Variants in TLK1 observed in about 807,000 individuals in gnomAD.
TLK1 encodes tousled like kinase 1.
In TLK1, 24 loss-of-function variants were observed where a neutral mutation model predicts 105.3. The ratio of observed to expected loss-of-function variants is 0.23; its 90% confidence interval spans 0.17 to 0.32. TLK1 has a LOEUF of 0.32. TLK1 is among the 10% of genes least tolerant of loss of function. TLK1 has a pLI of 1.00. For synonymous variants in TLK1, 321 were observed against 310.4 expected (o/e 1.03, Z -0.36); for missense variants, 558 against 910.5 (o/e 0.61, Z 4.98).
intron 3 of TLK1, among the ~76,000 whole-genome samples, chr2:171,082,364 T>C (rs1688794089): frequency 6.6e-6 from 1 of 151,518 alleles, no homozygotes; most frequent in Non-Finnish European, 1.5e-5. Context: ...CCATAAGAAA[T>C]TCTAAAAAGA....
At chr2:171,083,054 A>T (rs1467944998) in intron 2 of TLK1, among the ~76,000 whole-genome samples, 1 of 152,196 alleles carries the variant, frequency 6.6e-6, no homozygotes, top group East Asian at 1.9e-4. Context: ...AGTTTTATCA[A>T]GTCAATAAAG....
chr2:171,182,770 A>G (rs1034938207), intron 1 of TLK1, among the ~76,000 whole-genome samples: 2 of 151,900 alleles, frequency 1.3e-5, no homozygotes, highest in Admixed American at 6.6e-5. Context: ...AAATTAAAAA[A>G]TTAGCCAGGT....
intron 1 of TLK1, among the ~76,000 whole-genome samples, chr2:171,130,791 T>C (rs904461856): frequency 6.6e-6 from 1 of 152,120 alleles, no homozygotes; most frequent in African/African-American, 2.4e-5. Context: ...CGTAGACATG[T>C]TGAGTTATCC....
intron 18 of TLK1, among the ~76,000 whole-genome samples, chr2:171,000,657 C>T (rs373584358): frequency 9.9e-5 from 15 of 151,796 alleles, no homozygotes; most frequent in South Asian, 2.1e-4. Flanking sequence ...TCAGGGGTGA[C>T]GGGGGAAGAG....
intron 1 of TLK1, among the ~76,000 whole-genome samples, chr2:171,126,678 T>C (rs965586759): frequency 2.6e-5 from 4 of 152,122 alleles, no homozygotes; most frequent in Non-Finnish European, 5.9e-5. Context: ...GTAGATTCAA[T>C]TGCTGCTGAG....
At chr2:171,104,506 A>C (rs576986475) in intron 2 of TLK1, among the ~76,000 whole-genome samples, 2 of 152,304 alleles carry the variant, frequency 1.3e-5, no homozygotes, top group South Asian at 4.1e-4. Context: ...ATTCAATGCA[A>C]TTCCTATCAA....
chr2:171,023,487 A>G (rs901103247), intron 12 of TLK1, among the ~76,000 whole-genome samples: 1 of 152,108 alleles, frequency 6.6e-6, no homozygotes. Context: ...TTAATACTCC[A>G]TACTGAGATG....
chr2:171,048,496 A>G (rs1399978984), intron 10 of TLK1, among the ~76,000 whole-genome samples: 1 of 152,166 alleles, frequency 6.6e-6, no homozygotes, highest in Non-Finnish European at 1.5e-5. Context: ...CTTAACTACC[A>G]ATAACATTCA....
chr2:171,133,116 G>A (rs536019086), intron 1 of TLK1, among the ~76,000 whole-genome samples: 7 of 152,270 alleles, frequency 4.6e-5, no homozygotes, highest in African/African-American at 1.4e-4. Flanking sequence ...AGCTACTTTA[G>A]TCAAGTTGAA....
chr2:171,123,222 A>T (rs923304048), intron 1 of TLK1, among the ~76,000 whole-genome samples: 1 of 152,074 alleles, frequency 6.6e-6, no homozygotes, highest in Non-Finnish European at 1.5e-5. Flanking sequence ...TTTGAGACGG[A>T]GTCTTGCTCT....
intron 4 of TLK1, chr2:171,059,983 A>G: frequency 6.2e-7 from 1 of 1,612,424 alleles, no homozygotes; most frequent in Non-Finnish European, 8.5e-7. Flanking sequence ...GAGGTTGGGG[A>G]ACCCTGCAGA....
intron 14 of TLK1, among the ~76,000 whole-genome samples, chr2:171,009,074 C>G (rs554690727): frequency 1.1e-4 from 16 of 152,202 alleles, no homozygotes; most frequent in African/African-American, 3.6e-4. Context: ...ATCAGAGAAA[C>G]AGGAATTGGA....
intron 11 of TLK1, among the ~76,000 whole-genome samples, chr2:171,033,456 G>A (rs1686149466): frequency 1.3e-5 from 2 of 151,534 alleles, no homozygotes; most frequent in African/African-American, 4.8e-5. Flanking sequence ...AGGTGGGGTT[G>A]GTTAATGGGT....
chr2:171,039,838 A>C (rs1686569408), intron 11 of TLK1, among the ~76,000 whole-genome samples: 1 of 152,194 alleles, frequency 6.6e-6, no homozygotes. Context: ...ATTTTCAGAC[A>C]AACAAAAACT....
At chr2:171,164,861 C>T (rs866079548), upstream of TLK1, among the ~76,000 whole-genome samples, 4 of 151,824 alleles carry the variant, frequency 2.6e-5, no homozygotes, top group African/African-American at 9.7e-5. Flanking sequence ...TGCCTCACGC[C>T]TGTAATCCCA....
chr2:171,012,175 C>A (rs1684950201), intron 13 of TLK1, among the ~76,000 whole-genome samples: 1 of 151,994 alleles, frequency 6.6e-6, no homozygotes, highest in Non-Finnish European at 1.5e-5. Context: ...CTTTGAATGT[C>A]ATGTCAGTGC....
intron 12 of TLK1, among the ~76,000 whole-genome samples, chr2:171,020,140 C>CT (rs1320853168): frequency 1.3e-5 from 2 of 151,660 alleles, no homozygotes; most frequent in African/African-American, 4.8e-5. Flanking sequence ...GTTAACATCT[C>CT]TAAGTCCTAA....
intron 1 of TLK1, among the ~76,000 whole-genome samples, chr2:171,205,561 C>T (rs1334370994): frequency 2.0e-5 from 3 of 152,060 alleles, no homozygotes; most frequent in Non-Finnish European, 2.9e-5. Flanking sequence ...TGGGCTCAAG[C>T]GATCCTCCCA....
At chr2:171,146,377 A>T (rs1034789455) in intron 1 of TLK1, among the ~76,000 whole-genome samples, 2 of 152,222 alleles carry the variant, frequency 1.3e-5, no homozygotes, top group Non-Finnish European at 2.9e-5. Flanking sequence ...CACACACAAG[A>T]GGTGCCTCTC....
Sources: gnomAD v4.1 joint callset for allele counts (sites outside exome capture counted in the v4.1 genomes callset) on GRCh38, gnomAD v4.1.1 for gene constraint, MANE v1.5 for transcripts, NCBI Gene and HGNC (gene_info 2026-07-23, HGNC 2026-07-21) for gene names.